CCDC171: variants seen among roughly 807,000 people sequenced by gnomAD.
CCDC171 encodes the protein coiled-coil domain containing 171, also known as coiled-coil domain-containing protein 171.
In CCDC171, 177 loss-of-function variants were observed where a neutral mutation model predicts 168.2. That is an observed-to-expected ratio of 1.05 (90% CI 0.93 to 1.19). The LOEUF (loss-of-function observed/expected upper bound fraction) is 1.19. Among genes scored for constraint, CCDC171 ranks in the 50% most tolerant of loss-of-function variants. The pLI, the probability that CCDC171 is intolerant of heterozygous loss-of-function variation, is 0.00. For synonymous variants in CCDC171, 687 were observed against 540.8 expected (o/e 1.27, Z -3.75); for missense variants, 1,991 against 1,539.0 (o/e 1.29, Z -4.91).
intron 25 of CCDC171, among the ~76,000 whole-genome samples, chr9:15,942,843 A>T (rs1342473239): frequency 6.6e-6 from 1 of 151,942 alleles, no homozygotes; most frequent in Non-Finnish European, 1.5e-5. Flanking sequence ...GAAATTTTAA[A>T]CTATGACCAA....
chr9:16,036,880 A>T (rs955691457), intron 8 of CCDC171, among the ~76,000 whole-genome samples: 1 of 152,198 alleles, frequency 6.6e-6, no homozygotes, highest in Admixed American at 6.5e-5. Flanking sequence ...CAGCAACATG[A>T]ATGAGCCTGG....
At chr9:15,792,430 C>T (rs891633122) in intron 21 of CCDC171, among the ~76,000 whole-genome samples, 1 of 152,148 alleles carries the variant, frequency 6.6e-6, no homozygotes, top group Admixed American at 6.5e-5. Context: ...CTTCCCCAAC[C>T]TAGCAAGGCA....
intron 25 of CCDC171, among the ~76,000 whole-genome samples, chr9:15,942,485 G>A (rs979984784): frequency 6.6e-6 from 1 of 151,902 alleles, no homozygotes; most frequent in Non-Finnish European, 1.5e-5. Flanking sequence ...TTGCTGTTGT[G>A]TGGGTTGTAT....
At chr9:15,652,535 A>G (rs1275399353) in intron 7 of CCDC171, among the ~76,000 whole-genome samples, 2 of 150,866 alleles carry the variant, frequency 1.3e-5, no homozygotes, top group Non-Finnish European at 2.9e-5. Context: ...GGCTCAAGCC[A>G]TTCTCTCACC....
chr9:15,846,800 G>A lies in CCDC171; in HGVS notation c.3366G>A (p.Leu1122=). The A allele has an allele frequency of 6.2e-7, 1 of 1,611,280 alleles. No individual in the cohort carries two copies. The highest frequency in any genetic ancestry group is 8.5e-7 in the Non-Finnish European group (1 of 1,178,552). The part of the protein sequence containing the change: ...LTQLEQDKRR[L]EENIHDAESA... Reference sequence around the variant, plus strand: ...AGCTGGAGCAGGACAAGCGTCGACTGGAGGAGAACATCCATGATGCAGAGA... The same window carrying A: ...AGCTGGAGCAGGACAAGCGTCGACTAGAGGAGAACATCCATGATGCAGAGA... Residue 1122 remains leucine (L), a synonymous_variant, in exon 22 of 26, where the codon CTG becomes CTA. Transcript: ENST00000380701.
At chr9:16,016,855 T>G (rs1031651664) in intron 3 of CCDC171, among the ~76,000 whole-genome samples, 3 of 152,184 alleles carry the variant, frequency 2.0e-5, no homozygotes, top group African/African-American at 7.2e-5. Flanking sequence ...GGAGTAAAAA[T>G]TAGTGTTTAT....
chr9:15,571,234 T>C (rs1346942989), intron 2 of CCDC171, among the ~76,000 whole-genome samples: 1 of 152,232 alleles, frequency 6.6e-6, no homozygotes, highest in Non-Finnish European at 1.5e-5. Context: ...TAGGGTGCTT[T>C]AGTCTGACAT....
chr9:15,610,463 A>ACAAAC (rs1564044041), intron 6 of CCDC171, among the ~76,000 whole-genome samples: 1 of 139,588 alleles, frequency 7.2e-6, no homozygotes, highest in Non-Finnish European at 1.6e-5. Context: ...AAAAAAAAAA[A>ACAAAC]AAAAAAAAAA....
chr9:15,928,987 C>A (rs1214527153), intron 25 of CCDC171, among the ~76,000 whole-genome samples: 1 of 151,432 alleles, frequency 6.6e-6, no homozygotes, highest in Non-Finnish European at 1.5e-5. Context: ...TAACCCAAAT[C>A]CTGATAGTGA....
intron 24 of CCDC171, among the ~76,000 whole-genome samples, chr9:15,914,274 C>T (rs1015412715): frequency 6.6e-6 from 1 of 152,128 alleles, no homozygotes; most frequent in Middle Eastern, 3.2e-3. Flanking sequence ...GTACTCTGTC[C>T]CAGGGAGATG....
the CCDC171 span, among the ~76,000 whole-genome samples, chr9:16,106,427 G>A: frequency 1.3e-5 from 2 of 152,148 alleles, no homozygotes; most frequent in Non-Finnish European, 2.9e-5. Context: ...AGAATGTGAA[G>A]CCACCTTCTG....
rs555083136 is a variant in CCDC171 at position 16,000,485 on chromosome 9, T to A, written n.369-20104T>A. 9.1e-4 allele frequency among the ~76,000 whole-genome samples: 138 copies of A among 152,284 alleles called. 2 individuals are homozygous for A. Among genetic ancestry groups the A allele is most frequent in the African/African-American group, 3.1e-3 (128 of 41,570 alleles). ...AAAATTTTAATCATCTTTAACACTT[T>A]CCATTTTCTAATATGTTGAAGTGAG... On this transcript the variant is annotated intron_variant and non_coding_transcript_variant, in intron 3 of 9. Transcript: ENST00000486641.
At chr9:15,712,714 C>A (rs548237323) in intron 11 of CCDC171, among the ~76,000 whole-genome samples, 1 of 152,272 alleles carries the variant, frequency 6.6e-6, no homozygotes, top group East Asian at 1.9e-4. Context: ...GCTATCTCAT[C>A]CTCCCAGAGG....
At chr9:16,091,937 G>A in the CCDC171 span, among the ~76,000 whole-genome samples, 5 of 152,272 alleles carry the variant, frequency 3.3e-5, no homozygotes, top group South Asian at 1.0e-3. Context: ...ACATAAGAGG[G>A]AACAAGGTTT....
chr9:15,604,974 G>T (rs1283138201), intron 6 of CCDC171, among the ~76,000 whole-genome samples: 1 of 152,084 alleles, frequency 6.6e-6, no homozygotes, highest in African/African-American at 2.4e-5. Flanking sequence ...TTGGAGTGCA[G>T]CGGGACTATC....
downstream of CCDC171, among the ~76,000 whole-genome samples, chr9:16,065,463 G>A (rs536240343): frequency 6.6e-5 from 10 of 152,272 alleles, no homozygotes; most frequent in African/African-American, 2.2e-4. Context: ...TGGAAAGCTC[G>A]AGGGGCCCTG....
chr9:16,009,609 A>G (rs1035064725), intron 3 of CCDC171, among the ~76,000 whole-genome samples: 2 of 152,150 alleles, frequency 1.3e-5, no homozygotes, highest in Non-Finnish European at 2.9e-5. Flanking sequence ...AGTAGTTCTA[A>G]TTATGTCCTA....
At chr9:16,053,430 A>T (rs907202454) in intron 1 of CCDC171, among the ~76,000 whole-genome samples, 1 of 152,268 alleles carries the variant, frequency 6.6e-6, no homozygotes, top group African/African-American at 2.4e-5. Flanking sequence ...AAGGGCTCAC[A>T]TGTCAGCCCT....
rs1296170285 is a variant in CCDC171, at chr9:15,896,769, C to G, written c.3600+22106C>G. ...TGTTTTTACCATAGCCTGTAATAGT[C>G]ATATACAATTTTAACTGAACAGTGG... On this transcript the variant is annotated intron_variant, in intron 24 of 25. Coordinates refer to ENST00000380701, the MANE Select transcript of CCDC171 (RefSeq NM_173550.4). Among the ~76,000 whole-genome samples the G allele has an allele frequency of 4.6e-5, 7 of 152,070 alleles. No individual in the cohort carries two copies. The East Asian group carries it at 1.4e-3, about 29-fold the overall frequency.
Sources: allele counts gnomAD v4.1 joint callset (sites outside exome capture counted in the v4.1 genomes callset), GRCh38; gene constraint gnomAD v4.1.1; transcripts MANE v1.5; gene names NCBI Gene and HGNC (gene_info 2026-07-23, HGNC 2026-07-21).